SLCO5A1: variants seen among roughly 807,000 people sequenced by gnomAD.
SLCO5A1 encodes solute carrier organic anion transporter family member 5A1.
SLCO5A1 carries 39 observed loss-of-function variants against 65.1 expected under a neutral mutation model. The ratio of observed to expected loss-of-function variants is 0.60; its 90% confidence interval spans 0.46 to 0.78. SLCO5A1 has a LOEUF of 0.78. SLCO5A1 is among the 30% of genes least tolerant of loss of function. The pLI, the probability that SLCO5A1 is intolerant of heterozygous loss-of-function variation, is 0.00. For synonymous variants in SLCO5A1, 438 were observed against 415.7 expected, an observed-to-expected ratio of 1.05 and a Z score of -0.65; for missense variants, 1,029 against 1,069.4, an observed-to-expected ratio of 0.96 and a Z score of 0.53.
chr8:69,810,533 T>C (rs886504927), intron 2 of SLCO5A1, among the ~76,000 whole-genome samples: 2 of 152,236 alleles, frequency 1.3e-5, no homozygotes, highest in African/African-American at 4.8e-5. Context: ...GCGTGAGTGA[T>C]GTTGGCCAAT....
chr8:69,761,967 A>G lies in SLCO5A1; in HGVS notation c.908-92T>C, dbSNP rs946699588. ...TTCACTCTCATACCACAGACATCTC[A>G]CAGTTCAATCCAGTTAACTTCCAAA... On this transcript the variant is annotated intron_variant, in intron 2 of 9. Transcript: ENST00000260126. 2.4e-5 allele frequency: 35 copies of G among 1,482,550 alleles called. No homozygotes were observed. In the African/African-American group the frequency reaches 4.5e-4, roughly 19 times the overall value. The allele number at this position is 1,482,550 out of a possible 1,614,324, so 91.8% of individuals were successfully genotyped here.
At chr8:69,831,599 C>A (rs1821154402) in intron 2 of SLCO5A1, among the ~76,000 whole-genome samples, 168 bp downstream of exon 2, 1 of 152,134 alleles carries the variant, frequency 6.6e-6, no homozygotes, top group South Asian at 2.1e-4. Flanking sequence ...CTAATTGATT[C>A]TCTCCCAAAC....
chr8:69,712,899 G>A (rs976479565), intron 5 of SLCO5A1, among the ~76,000 whole-genome samples: 12 of 151,938 alleles, frequency 7.9e-5, no homozygotes, highest in African/African-American at 2.9e-4. Context: ...ATTATTCCTG[G>A]AACTAGGTTG....
intron 2 of SLCO5A1, chr8:69,773,076 G>A: frequency 1.9e-6 from 1 of 519,534 alleles, no homozygotes; most frequent in Non-Finnish European, 2.5e-6. Context: ...CATGGGCAAA[G>A]GCACACAGAT....
At position 69,822,958 on chromosome 8, in the gene SLCO5A1, C is replaced by T. The variant is rs560383398; in HGVS notation, c.907+8809G>A. ...CACTAGGGAGGTGGAAGAGCCAGCA[C>T]CCACCCTGCTTAACTGATGGCTGAA... On this transcript the variant is annotated intron_variant, in intron 2 of 9. Coordinates refer to ENST00000260126, the MANE Select transcript of SLCO5A1 (RefSeq NM_030958.3). Among the ~76,000 whole-genome samples, 4 of 152,328 alleles carry T rather than the reference C, an allele frequency of 2.6e-5. No homozygotes were observed. The South Asian group carries it at 8.3e-4, about 32-fold the overall frequency.
intron 2 of SLCO5A1, among the ~76,000 whole-genome samples, chr8:69,796,049 G>A (rs1051259041): frequency 1.3e-5 from 2 of 152,128 alleles, no homozygotes; most frequent in Non-Finnish European, 2.9e-5. Context: ...GCACAGGGCA[G>A]GGGGGGCCCT....
intron 2 of SLCO5A1, among the ~76,000 whole-genome samples, chr8:69,825,146 C>T (rs533918897): frequency 2.6e-5 from 4 of 152,250 alleles, no homozygotes; most frequent in South Asian, 4.1e-4. Context: ...TAAGAGCTAT[C>T]TCTGACAAAC....
At chr8:69,722,210 C>A (rs376814001) in intron 5 of SLCO5A1, among the ~76,000 whole-genome samples, 1 of 151,904 alleles carries the variant, frequency 6.6e-6, no homozygotes, top group South Asian at 2.1e-4. Context: ...ATAATAAATG[C>A]GTTTATGTTA....
At chr8:69,700,698 C>T (rs553091062) in intron 6 of SLCO5A1, among the ~76,000 whole-genome samples, 156 of 151,844 alleles carry the variant, frequency 1.0e-3, no homozygotes, top group South Asian at 4.0e-3. Context: ...AGCCAGACTT[C>T]CAAAAAGAGC....
chr8:69,826,079 G>T (rs2130925190), intron 2 of SLCO5A1, among the ~76,000 whole-genome samples: 1 of 152,318 alleles, frequency 6.6e-6, no homozygotes, highest in South Asian at 2.1e-4. Flanking sequence ...CTAGCCATAT[G>T]CAGAAAGCTG....
At chr8:69,830,742 G>GTACT (rs766246146) in intron 2 of SLCO5A1, among the ~76,000 whole-genome samples, 5 of 152,050 alleles carry the variant, frequency 3.3e-5, no homozygotes, top group Non-Finnish European at 5.9e-5. Flanking sequence ...TGAGCCCCCT[G>GTACT]TACTTAACTC....
At chr8:69,764,515 C>A (rs1248083495) in intron 2 of SLCO5A1, among the ~76,000 whole-genome samples, 1 of 152,100 alleles carries the variant, frequency 6.6e-6, no homozygotes, top group Non-Finnish European at 1.5e-5. Context: ...ACATTAAGTT[C>A]TTTGACTCTC....
chr8:69,698,780 G>A (rs1230883538), intron 6 of SLCO5A1, among the ~76,000 whole-genome samples: 1 of 152,170 alleles, frequency 6.6e-6, no homozygotes, highest in Admixed American at 6.5e-5. Flanking sequence ...GCTTTAATAT[G>A]CTCACAGGCT....
chr8:69,690,025 G>A (rs1025602748), intron 6 of SLCO5A1, among the ~76,000 whole-genome samples: 202 of 150,770 alleles, frequency 1.3e-3, no homozygotes, highest in African/African-American at 4.6e-3. Context: ...CAAGGCCGGT[G>A]GACCCCGCCC....
chr8:69,672,788 GAAAGA>G lies in SLCO5A1; in HGVS notation c.*76_*80del. ...GTCTGTAGAGGTTAAAAAAAAGAAAGAAAGAAAAGAAGGCACAGTTGTTTCTCAAG... is the reference window on the plus strand; with the variant it reads ...GTCTGTAGAGGTTAAAAAAAAGAAAGAAAGAAGGCACAGTTGTTTCTCAAG... On this transcript the variant is annotated 3_prime_UTR_variant, in exon 10 of 10. Coordinates refer to ENST00000260126, the MANE Select transcript of SLCO5A1 (RefSeq NM_030958.3). 4 of 1,436,910 alleles carry G rather than the reference GAAAGA, an allele frequency of 2.8e-6. No homozygotes were observed. The highest frequency in any genetic ancestry group is 3.7e-6 in the Non-Finnish European group (4 of 1,074,332). 89.0% of individuals were successfully genotyped at this position (1,436,910 alleles called of 1,614,324 possible).
At chr8:69,826,815 G>A (rs1485013503) in intron 2 of SLCO5A1, among the ~76,000 whole-genome samples, 1 of 151,972 alleles carries the variant, frequency 6.6e-6, no homozygotes, top group Non-Finnish European at 1.5e-5. Context: ...CCAAAGGACT[G>A]TAAATCATGC....
At chr8:69,726,496 C>CTTTT (rs1554613253) in intron 5 of SLCO5A1, among the ~76,000 whole-genome samples, 8 of 115,026 alleles carry the variant, frequency 7.0e-5, no homozygotes, top group Admixed American at 1.7e-4. Flanking sequence ...TTCCTACCTC[C>CTTTT]TTTTTTTTTT....
At chr8:69,686,782 G>T (rs987097358) in intron 6 of SLCO5A1, among the ~76,000 whole-genome samples, 1 of 152,106 alleles carries the variant, frequency 6.6e-6, no homozygotes, top group Non-Finnish European at 1.5e-5. Context: ...CTTCTGGGTG[G>T]CTTATTTCGC....
intron 6 of SLCO5A1, among the ~76,000 whole-genome samples, chr8:69,696,384 G>A (rs1658619976): frequency 6.6e-6 from 1 of 152,194 alleles, no homozygotes. Context: ...AATCTCCATG[G>A]GTTCTGAGCT....
Sources: gnomAD v4.1 joint callset for allele counts (sites outside exome capture counted in the v4.1 genomes callset) on GRCh38, gnomAD v4.1.1 for gene constraint, MANE v1.5 for transcripts, NCBI Gene and HGNC (gene_info 2026-07-23, HGNC 2026-07-21) for gene names.